The following DACH2 variants were observed in gnomAD, a reference collection of about 807,000 sequenced individuals.
The protein encoded by DACH2 is dachshund homolog 2.
A neutral mutation model predicts 35.8 loss-of-function variants in DACH2; 17 were observed. The observed-to-expected ratio is 0.48, with a 90% confidence interval of 0.33 to 0.71. DACH2 has a LOEUF of 0.71. Among genes scored for constraint, DACH2 ranks in the 30% least tolerant of loss-of-function variants. DACH2 has a pLI of 0.02. For missense variants in DACH2, 469 were observed against 472.7 expected (o/e 0.99, Z 0.07); for synonymous variants, 195 against 177.3 (o/e 1.10, Z -0.79).
chrX:86,504,393 T>C (rs997902634), intron 2 of DACH2, among the ~76,000 whole-genome samples: 1 of 111,183 alleles, frequency 9.0e-6, no homozygotes, highest in Non-Finnish European at 1.9e-5. Context: ...CTGGAATCAA[T>C]TGTCTTAAGA....
At position 86,458,955 on chromosome X, in the gene DACH2, A is replaced by G. The variant is rs375110143; in HGVS notation, c.528-55324A>G. ...GATAGGTGCAGCAAACCACCAGGGCACGTGTATACCCATGTAACAAAACTG... is the reference window on the plus strand; with the variant it reads ...GATAGGTGCAGCAAACCACCAGGGCGCGTGTATACCCATGTAACAAAACTG... On this transcript the variant is annotated intron_variant, in intron 2 of 11. Transcript: ENST00000373125. Among the ~76,000 whole-genome samples the G allele has an allele frequency of 4.3e-4, 48 of 111,001 alleles. No individual in the cohort carries two copies. In the East Asian group the frequency reaches 0.01, roughly 24 times the overall value.
intron 3 of DACH2, among the ~76,000 whole-genome samples, chrX:86,591,009 C>T (rs1001652298): frequency 9.2e-6 from 1 of 109,122 alleles, no homozygotes; most frequent in African/African-American, 3.3e-5. Context: ...GTGTGATGTT[C>T]CCCTTCCTGT....
chrX:86,473,688 C>A (rs1287040703), intron 2 of DACH2, among the ~76,000 whole-genome samples: 1 of 111,590 alleles, frequency 9.0e-6, no homozygotes, highest in South Asian at 3.7e-4. Context: ...CATGTTGTTG[C>A]AAATGACAAA....
At chrX:86,494,292 T>C (rs1383532264) in intron 2 of DACH2, among the ~76,000 whole-genome samples, 1 of 112,296 alleles carries the variant, frequency 8.9e-6, no homozygotes, top group Admixed American at 9.5e-5. Flanking sequence ...GCTCTTGATT[T>C]ATAATTGCTT....
At chrX:86,469,007 A>T (rs931344469) in intron 2 of DACH2, among the ~76,000 whole-genome samples, 6 of 111,870 alleles carry the variant, frequency 5.4e-5, no homozygotes, top group African/African-American at 1.9e-4. Context: ...TACACAATGT[A>T]ATACTCTTTG....
intron 2 of DACH2, among the ~76,000 whole-genome samples, chrX:86,432,533 G>T (rs2148172404): frequency 8.9e-6 from 1 of 111,861 alleles, no homozygotes; most frequent in Non-Finnish European, 1.9e-5. Context: ...TATCTTGAAG[G>T]TTGGAAGAAC....
chrX:86,174,864 G>A (rs2031252162), intron 1 of DACH2, among the ~76,000 whole-genome samples: 1 of 110,879 alleles, frequency 9.0e-6, no homozygotes, highest in South Asian at 3.9e-4. Flanking sequence ...ATTTTTTTGT[G>A]TAGAGAAAGA....
chrX:86,603,295 A>T (rs2039814991), intron 3 of DACH2, among the ~76,000 whole-genome samples: 4 of 111,240 alleles, frequency 3.6e-5, no homozygotes, highest in Admixed American at 9.6e-5. Flanking sequence ...CCCATCTCTA[A>T]ACAAGGTCAT....
chrX:86,289,496 G>A (rs1257818315), intron 1 of DACH2, among the ~76,000 whole-genome samples: 2 of 107,475 alleles, frequency 1.9e-5, no homozygotes, highest in Non-Finnish European at 3.8e-5. Flanking sequence ...ATGTATACAT[G>A]TGACAAGCTG....
At chrX:86,483,551 C>T (rs2037975282) in intron 2 of DACH2, among the ~76,000 whole-genome samples, 1 of 111,363 alleles carries the variant, frequency 9.0e-6, no homozygotes, top group Non-Finnish European at 1.9e-5. Context: ...ACTTGCCAGG[C>T]TGTGTGTGGT....
At chrX:86,678,969 G>A (rs1217919443) in intron 4 of DACH2, among the ~76,000 whole-genome samples, 2 of 111,183 alleles carry the variant, frequency 1.8e-5, no homozygotes, top group African/African-American at 6.5e-5. Flanking sequence ...GGTATCTTAG[G>A]TTCCAGATCT....
chrX:86,164,248 T>A (rs761459527), intron 1 of DACH2, among the ~76,000 whole-genome samples: 35 of 111,872 alleles, frequency 3.1e-4, no homozygotes, highest in Middle Eastern at 4.2e-3. Flanking sequence ...GAAAAGTGTC[T>A]GTTCAGGTCC....
chrX:86,703,308 C>T (rs1322475720), intron 5 of DACH2, among the ~76,000 whole-genome samples: 2 of 111,218 alleles, frequency 1.8e-5, no homozygotes, highest in African/African-American at 6.5e-5. Context: ...CAACAGCCAG[C>T]ATCATACTGG....
chrX:86,536,687 C>T (rs750913962), intron 3 of DACH2, among the ~76,000 whole-genome samples: 1 of 111,849 alleles, frequency 8.9e-6, no homozygotes, highest in East Asian at 2.8e-4. Flanking sequence ...TTCAAGATGT[C>T]CCACCTTTCA....
chrX:86,302,440 G>C (rs1317238314), intron 1 of DACH2, among the ~76,000 whole-genome samples: 3 of 111,251 alleles, frequency 2.7e-5, no homozygotes, highest in Non-Finnish European at 5.7e-5. Flanking sequence ...ATTTCCATGG[G>C]GTAACAGATG....
At chrX:86,763,653 C>T (rs749016903) in intron 7 of DACH2, among the ~76,000 whole-genome samples, 2 of 110,880 alleles carry the variant, frequency 1.8e-5, no homozygotes, top group African/African-American at 3.3e-5. Context: ...AGGGTTTCAC[C>T]GTGTTAGCCA....
chrX:86,621,166 CT>C (rs1474582330), intron 3 of DACH2, among the ~76,000 whole-genome samples: 3 of 111,313 alleles, frequency 2.7e-5, no homozygotes, highest in African/African-American at 6.5e-5. Context: ...TGAGTAAAGT[CT>C]TTTGATAATA....
rs2040754275 is a variant in DACH2, at chrX:86,670,652, T to G, written c.772+19485T>G. Among the ~76,000 whole-genome samples the G allele has an allele frequency of 2.7e-5, 3 of 111,364 alleles. No individual in the cohort carries two copies. The Admixed American group carries it at 2.9e-4, about 11-fold the overall frequency. Reference sequence around the variant, plus strand: ...TTTTTGGCTGATGAACAACAACAGCTTTTAACAGTAAACTAATGGTTCATC... The same window carrying G: ...TTTTTGGCTGATGAACAACAACAGCGTTTAACAGTAAACTAATGGTTCATC... On this transcript the variant is annotated intron_variant, in intron 4 of 11. Transcript: ENST00000373125.
chrX:86,653,190 T>C (rs2040497749), intron 4 of DACH2, among the ~76,000 whole-genome samples: 1 of 112,183 alleles, frequency 8.9e-6, no homozygotes, highest in African/African-American at 3.2e-5. Context: ...GAATAGGGTG[T>C]CCTTTTCCAT....
Sources: gnomAD v4.1 joint callset for allele counts (sites outside exome capture counted in the v4.1 genomes callset) on GRCh38, gnomAD v4.1.1 for gene constraint, MANE v1.5 for transcripts, NCBI Gene and HGNC (gene_info 2026-07-23, HGNC 2026-07-21) for gene names.